KLF12: variants seen among roughly 807,000 people sequenced by gnomAD.
KLF12 encodes KLF transcription factor 12.
In KLF12, 9 loss-of-function variants were observed where a neutral mutation model predicts 37.8. The ratio of observed to expected loss-of-function variants is 0.24; its 90% CI spans 0.14 to 0.42. The LOEUF (loss-of-function observed/expected upper bound fraction) is 0.42. Among genes scored for constraint, KLF12 ranks in the 10% least tolerant of loss-of-function variants. KLF12 has a pLI of 1.00. For missense variants in KLF12, 411 were observed against 516.0 expected, an observed-to-expected ratio of 0.80 and a Z score of 1.97; for synonymous variants, 208 against 202.1, an observed-to-expected ratio of 1.03 and a Z score of -0.25.
chr13:74,126,586 T>C (rs887404644), intron 1 of KLF12, among the ~76,000 whole-genome samples: 2 of 152,248 alleles, frequency 1.3e-5, no homozygotes, highest in African/African-American at 2.4e-5. Context: ...TTCTCATAAC[T>C]AGATGCTTTC....
chr13:73,848,638 T>C (rs767415334), intron 3 of KLF12, among the ~76,000 whole-genome samples: 1 of 150,330 alleles, frequency 6.7e-6, no homozygotes, highest in Non-Finnish European at 1.5e-5. Context: ...TTTTAGCTAA[T>C]GCATATTAGC....
At chr13:73,805,664 GGA>G in intron 5 of KLF12, among the ~76,000 whole-genome samples, 5 of 71,742 alleles carry the variant, frequency 7.0e-5, no homozygotes, top group Non-Finnish European at 1.4e-4. Context: ...AAGGAAGGAA[GGA>G]AGGAAGGAAG....
intron 3 of KLF12, among the ~76,000 whole-genome samples, chr13:73,867,406 G>A (rs907909488): frequency 6.8e-5 from 7 of 103,550 alleles, no homozygotes; most frequent in African/African-American, 1.6e-4. Flanking sequence ...ACATATATAC[G>A]TGTGTGTGTA....
chr13:73,694,712 C>T lies in KLF12; in HGVS notation c.*778G>A, dbSNP rs1874014467. Reference sequence around the variant, plus strand: ...GCAGTAGTTTTTTAGACAGGCTCTTCCTATTCAACTACAGAACACCTCTGT... The same window carrying T: ...GCAGTAGTTTTTTAGACAGGCTCTTTCTATTCAACTACAGAACACCTCTGT... On this transcript the variant is annotated 3_prime_UTR_variant, in exon 8 of 8. Transcript: ENST00000377669. 6.6e-6 allele frequency: 1 copy of T among 152,662 alleles called. No homozygotes were observed. The highest frequency in any genetic ancestry group is 6.5e-5 in the Admixed American group (1 of 15,278). The allele number at this position is 152,662 out of a possible 1,614,324, so 9.5% of individuals were successfully genotyped here. A position where few individuals can be genotyped will look rare whatever the true frequency, so the allele number is the denominator to read the frequency against.
At chr13:74,183,087 C>T in the KLF12 span, among the ~76,000 whole-genome samples, 3 of 152,130 alleles carry the variant, frequency 2.0e-5, no homozygotes, top group Non-Finnish European at 2.9e-5. Flanking sequence ...TTTCTCTATC[C>T]TTTTGTGCCT....
At chr13:74,072,402 T>A (rs1224664197) in intron 1 of KLF12, among the ~76,000 whole-genome samples, 1 of 120,004 alleles carries the variant, frequency 8.3e-6, no homozygotes, top group South Asian at 2.6e-4. Context: ...TATATATATA[T>A]ATATAAAAGA....
chr13:73,737,388 G>A (rs1594028412), intron 6 of KLF12, among the ~76,000 whole-genome samples: 1 of 152,126 alleles, frequency 6.6e-6, no homozygotes, highest in African/African-American at 2.4e-5. Flanking sequence ...CCTTACAAAT[G>A]AGTGTCAACA....
intron 3 of KLF12, among the ~76,000 whole-genome samples, chr13:73,930,915 G>A (rs941953901): frequency 4.9e-5 from 7 of 143,172 alleles, no homozygotes; most frequent in African/African-American, 1.8e-4. Context: ...CCAGGCTGGA[G>A]TGCAATGGCG....
intron 3 of KLF12, among the ~76,000 whole-genome samples, chr13:73,877,873 A>G (rs577919894): frequency 2.0e-5 from 3 of 152,254 alleles, no homozygotes; most frequent in African/African-American, 7.2e-5. Context: ...GCAGCTCTAA[A>G]GAGAACAGGT....
intron 6 of KLF12, among the ~76,000 whole-genome samples, chr13:73,724,320 A>C (rs949466003): frequency 2.0e-5 from 3 of 152,222 alleles, no homozygotes; most frequent in Non-Finnish European, 4.4e-5. Context: ...GTTCTCAGTC[A>C]TAAGTGGGAG....
intron 4 of KLF12, among the ~76,000 whole-genome samples, chr13:73,818,462 A>G (rs1294093440): frequency 6.6e-6 from 1 of 152,096 alleles, no homozygotes; most frequent in Admixed American, 6.5e-5. Flanking sequence ...TCCTCCCCTC[A>G]TGTAATAGTA....
At chr13:73,900,282 A>T (rs575958510) in intron 3 of KLF12, among the ~76,000 whole-genome samples, 7 of 152,232 alleles carry the variant, frequency 4.6e-5, no homozygotes, top group African/African-American at 1.7e-4. Context: ...ATCTAATTAG[A>T]CCTCCACATG....
the KLF12 span, among the ~76,000 whole-genome samples, chr13:74,293,409 A>T: frequency 4.6e-5 from 7 of 152,208 alleles, no homozygotes; most frequent in African/African-American, 1.7e-4. Context: ...AAAAATGAGA[A>T]TTGGAGATCA....
chr13:74,247,282 G>GT, the KLF12 span, among the ~76,000 whole-genome samples: 26 of 152,258 alleles, frequency 1.7e-4, no homozygotes, highest in African/African-American at 5.3e-4. Context: ...TAATTTCCTT[G>GT]TTTTTACAGA....
At chr13:74,146,088 G>T in the KLF12 span, among the ~76,000 whole-genome samples, 1 of 152,162 alleles carries the variant, frequency 6.6e-6, no homozygotes, top group Non-Finnish European at 1.5e-5. Flanking sequence ...AGATCTTAAT[G>T]TGAGCATACA....
intron 5 of KLF12, among the ~76,000 whole-genome samples, chr13:73,792,204 G>A (rs73531648): frequency 0.011 from 1,699 of 152,208 alleles, 23 homozygotes; most frequent in African/African-American, 0.039. Flanking sequence ...GTATACTCAC[G>A]TCTTAGAGGA....
At position 73,888,505 on chromosome 13, in the gene KLF12, T is replaced by A. The variant is rs148312169; in HGVS notation, c.124-42132A>T. On this transcript the variant is annotated intron_variant, in intron 3 of 7. Coordinates refer to ENST00000377669, the MANE Select transcript of KLF12 (RefSeq NM_007249.5). ...GCATGTATAATTCTGCCATTCATTG[T>A]TTCATAAAAACTTTTATCAGCAAAA... Among the ~76,000 whole-genome samples the A allele has an allele frequency of 2.6e-3, 392 of 152,324 alleles. 13 individuals are homozygous for A. The East Asian group carries it at 0.064, about 25-fold the overall frequency.
chr13:73,987,409 A>C (rs1891851595), intron 2 of KLF12, among the ~76,000 whole-genome samples: 1 of 152,140 alleles, frequency 6.6e-6, no homozygotes, highest in African/African-American at 2.4e-5. Flanking sequence ...GTAAGTAAAA[A>C]AATTTTAACT....
rs975710279 is a variant in KLF12, at chr13:73,690,011, T to C, written c.*5479A>G. ...CTTAACGTTCTGCAAGTTAGAAAGATCAAATTAAGAAATGTTAATGTAAAC... is the reference window on the plus strand; with the variant it reads ...CTTAACGTTCTGCAAGTTAGAAAGACCAAATTAAGAAATGTTAATGTAAAC... On this transcript the variant is annotated 3_prime_UTR_variant, in exon 8 of 8. Coordinates refer to ENST00000377669, the MANE Select transcript of KLF12 (RefSeq NM_007249.5). The C allele has an allele frequency of 2.0e-5, 3 of 152,370 alleles. No individual in the cohort carries two copies. Among genetic ancestry groups the C allele is most frequent in the African/African-American group, 7.2e-5 (3 of 41,436 alleles). The allele number at this position is 152,370 out of a possible 1,614,324, so 9.4% of individuals were successfully genotyped here. A position where few individuals can be genotyped will look rare whatever the true frequency, so the allele number is the denominator to read the frequency against.
Sources: allele counts gnomAD v4.1 joint callset (sites outside exome capture counted in the v4.1 genomes callset), GRCh38; gene constraint gnomAD v4.1.1; transcripts MANE v1.5; gene names NCBI Gene and HGNC (gene_info 2026-07-23, HGNC 2026-07-21).